TSPAN16: variants seen among roughly 807,000 people sequenced by gnomAD.
The protein encoded by TSPAN16 is tetraspanin-16.
TSPAN16 carries 23 observed loss-of-function variants against 25.2 expected under a neutral mutation model. That is an observed-to-expected ratio of 0.91 (90% confidence interval 0.66 to 1.29). The LOEUF is 1.29. Ranked by LOEUF, TSPAN16 falls within the 50% of genes most tolerant of loss-of-function variation. TSPAN16 has a pLI of 0.00. For synonymous variants in TSPAN16, 123 were observed against 124.4 expected, an observed-to-expected ratio of 0.99 and a Z score of 0.08; for missense variants, 272 against 299.9, an observed-to-expected ratio of 0.91 and a Z score of 0.69.
At chr19:11,296,911 G>A (rs1375557011) in intron 1 of TSPAN16, among the ~76,000 whole-genome samples, 1 of 152,086 alleles carries the variant, frequency 6.6e-6, no homozygotes, top group African/African-American at 2.4e-5. Flanking sequence ...GTGGTGGCAC[G>A]TGCCTATAAT....
intron 6 of TSPAN16, chr19:11,324,779 C>G (rs914382496): frequency 1.3e-5 from 2 of 152,644 alleles, no homozygotes; most frequent in Non-Finnish European, 2.9e-5. Context: ...ATCTGACTCC[C>G]TGTCCCTTCT....
intron 1 of TSPAN16, among the ~76,000 whole-genome samples, chr19:11,297,653 C>A (rs1056712549): frequency 6.6e-6 from 1 of 152,002 alleles, no homozygotes; most frequent in Non-Finnish European, 1.5e-5. Flanking sequence ...CCCACCACCA[C>A]GCCCGGCCAA....
At chr19:11,305,416 G>A (rs1296959817) in intron 4 of TSPAN16, among the ~76,000 whole-genome samples, 2 of 152,050 alleles carry the variant, frequency 1.3e-5, no homozygotes, top group East Asian at 3.9e-4. Flanking sequence ...TGTAATCCCA[G>A]CTACTCGGGA....
chr19:11,308,728 C>T (rs775400000), intron 5 of TSPAN16, among the ~76,000 whole-genome samples: 1 of 152,136 alleles, frequency 6.6e-6, no homozygotes, highest in African/African-American at 2.4e-5. Flanking sequence ...CCGCCTCGGC[C>T]TCCCAAAGTG....
At chr19:11,320,539 G>A (rs1220860130), downstream of TSPAN16, among the ~76,000 whole-genome samples, 1 of 152,064 alleles carries the variant, frequency 6.6e-6, no homozygotes, top group Non-Finnish European at 1.5e-5. Flanking sequence ...TGGATGTGGT[G>A]GTGCTTGCTT....
intron 5 of TSPAN16, among the ~76,000 whole-genome samples, chr19:11,308,509 C>T (rs1448600764): frequency 1.4e-5 from 2 of 148,064 alleles, no homozygotes; most frequent in African/African-American, 2.5e-5. Flanking sequence ...CTTGCTCTGT[C>T]GCCCAGGCTG....
chr19:11,306,977 G>A (rs957055541), intron 5 of TSPAN16, among the ~76,000 whole-genome samples: 1 of 151,666 alleles, frequency 6.6e-6, no homozygotes, highest in Non-Finnish European at 1.5e-5. Context: ...CGCCACACCC[G>A]GCTAATTTTG....
At chr19:11,322,526 T>C (rs1423654551) in intron 6 of TSPAN16, 2 of 152,170 alleles carry the variant, frequency 1.3e-5, no homozygotes, top group Admixed American at 1.3e-4. Flanking sequence ...CCACGGCCTT[T>C]GGTTTAATGT....
Position 11,298,917 on chromosome 19 carries a change from G to A in TSPAN16, c.313G>A (p.Ala105Thr), listed in dbSNP as rs1258561966. 1 of 1,614,060 alleles carries A rather than the reference G, an allele frequency of 6.2e-7. No individual in the cohort carries two copies. Among genetic ancestry groups the A allele is most frequent in the Non-Finnish European group, 8.5e-7 (1 of 1,179,998 alleles). Residue 105 changes from alanine (A) to threonine (T), a missense_variant, in exon 3 of 7, where the codon GCC becomes ACC. Transcript: ENST00000590327. Reference protein sequence around the residue: ...VIVLIMEVTAATVVLLFFPIV... With the variant: ...VIVLIMEVTATTVVLLFFPIV... Reference sequence around the variant, plus strand: ...TGTCCTCATCATGGAAGTTACAGCTGCCACAGTGGTCCTTCTTTTCTTTCC... The same window carrying A: ...TGTCCTCATCATGGAAGTTACAGCTACCACAGTGGTCCTTCTTTTCTTTCC...
At position 11,298,295 on chromosome 19, in the gene TSPAN16, G is replaced by C; in HGVS notation, c.223G>C (p.Gly75Arg). 1 of 1,614,118 alleles carries C rather than the reference G, an allele frequency of 6.2e-7. No homozygotes were observed. The highest frequency in any genetic ancestry group is 8.5e-7 in the Non-Finnish European group (1 of 1,180,012). ...CATCACGGTACTGCTTGGCTGTGCC[G>C]GGTGGTATGGAGCGACTAAAGAGAG... ...GCITVLLGCAGWYGATKESRG... is the reference protein window; with the variant it reads ...GCITVLLGCARWYGATKESRG... Residue 75 changes from glycine to arginine, a missense_variant, in exon 2 of 7, where the codon GGG becomes CGG. Physicochemically the swap from Gly to Arg is moderately radical, Grantham distance 125. Transcript: ENST00000590327.
At chr19:11,306,499 T>G in intron 4 of TSPAN16, 105 bp from the exon 5 acceptor site, 4 of 1,370,332 alleles carry the variant, frequency 2.9e-6, no homozygotes, top group Non-Finnish European at 4.1e-6. Flanking sequence ...TAGCACAGTC[T>G]CTGGGATATT....
chr19:11,325,211 C>T, intron 6 of TSPAN16: 3 of 556,458 alleles, frequency 5.4e-6, no homozygotes, highest in South Asian at 2.1e-5. Context: ...CAGCCTCCCA[C>T]CGGGGCTGCC....
In TSPAN16 at chr19:11,307,122, TTTAG is replaced by T. The variant is rs1181641491; in HGVS notation, c.603+374_603+377del. On this transcript the variant is annotated intron_variant, in intron 5 of 6. Transcript: ENST00000590327. Reference sequence around the variant, plus strand: ...TGTACCCAGCCTTTTTATTTATTTATTTAGTTAGTTATTTTGAGATGGAGTTTCA... The same window carrying T: ...TGTACCCAGCCTTTTTATTTATTTATTTAGTTATTTTGAGATGGAGTTTCA... Among the ~76,000 whole-genome samples the T allele has an allele frequency of 2.0e-5, 3 of 150,436 alleles. No individual in the cohort carries two copies. The East Asian group carries it at 5.9e-4, about 30-fold the overall frequency.
chr19:11,298,971 C>T (rs369171556), intron 3 of TSPAN16, 25 bp downstream of exon 3: 76 of 1,609,082 alleles, frequency 4.7e-5, no homozygotes, highest in Non-Finnish European at 6.1e-5. Context: ...GCTCCTCCCA[C>T]ATAGCATTAG....
rs751096818 is a variant in TSPAN16 at position 11,306,836 on chromosome 19, A to G, written c.603+80A>G. 8.7e-5 allele frequency: 124 copies of G among 1,419,632 alleles called. 2 individuals carry two copies. In the South Asian group the frequency reaches 1.4e-3, roughly 16 times the overall value. 87.9% of individuals were successfully genotyped at this position (1,419,632 alleles called of 1,614,324 possible). A position where few individuals can be genotyped will look rare whatever the true frequency, so the allele number is the denominator to read the frequency against. ...ATTTTTATTTTTATCTTATTTTGAG[A>G]AAGAGTTTCACCCTTGTCACCCAGG... is the stretch of plus-strand genomic sequence containing the variant. On this transcript the variant is annotated intron_variant, in intron 5 of 6. Coordinates refer to ENST00000590327, the MANE Select transcript of TSPAN16 (RefSeq NM_001282509.2).
chr19:11,324,259 GAAAAAAAAAA>G (rs561740577), intron 6 of TSPAN16: 1 of 102,556 alleles, frequency 9.8e-6, no homozygotes, highest in East Asian at 2.9e-4. Context: ...ATCTCAAAAA[GAAAAAAAAAA>G]AAAAAGAAGT....
At chr19:11,311,535 A>G (rs895906755) in intron 5 of TSPAN16, among the ~76,000 whole-genome samples, 1 of 152,172 alleles carries the variant, frequency 6.6e-6, no homozygotes, top group African/African-American at 2.4e-5. Context: ...AGCTCAAGCA[A>G]TCCTCCTGCC....
intron 3 of TSPAN16, chr19:11,300,931 A>G: frequency 3.0e-6 from 1 of 332,930 alleles, no homozygotes; most frequent in Non-Finnish European, 5.7e-6. Flanking sequence ...GGCGATTCCA[A>G]AGAGCAGATG....
At chr19:11,301,135 C>A in intron 3 of TSPAN16, 66 bp from the exon 4 acceptor site, 1 of 1,372,282 alleles carries the variant, frequency 7.3e-7, no homozygotes, top group Non-Finnish European at 1.0e-6. Context: ...TCCTCAAGAA[C>A]CTCGGCCAAT....
Sources: allele counts gnomAD v4.1 joint callset (sites outside exome capture counted in the v4.1 genomes callset), GRCh38; gene constraint gnomAD v4.1.1; transcripts MANE v1.5; gene names NCBI Gene and HGNC (gene_info 2026-07-23, HGNC 2026-07-21).